The following MAB21L4 variants were observed in gnomAD, a reference collection of about 807,000 sequenced individuals.
MAB21L4 encodes the protein protein mab-21-like 4.
Under a neutral mutation model 32.4 loss-of-function variants are expected in MAB21L4, and 25 were observed. That is an observed-to-expected ratio of 0.77 (90% confidence interval 0.56 to 1.08). The LOEUF (loss-of-function observed/expected upper bound fraction) is 1.08, where lower values mean the gene tolerates loss of function less well. Ranked by LOEUF, MAB21L4 falls within the 50% of genes least tolerant of loss-of-function variation. The pLI, the probability that MAB21L4 is intolerant of heterozygous loss-of-function variation, is 0.00. For missense variants in MAB21L4, 638 were observed against 611.0 expected, an observed-to-expected ratio of 1.04 and a Z score of -0.47; for synonymous variants, 280 against 276.8, an observed-to-expected ratio of 1.01 and a Z score of -0.11.
Position 240,891,673 on chromosome 2 carries a change from A to G in MAB21L4, c.605T>C (p.Val202Ala). Residue 202 changes from valine to alanine, a missense_variant, in exon 2 of 5, where the codon GTG becomes GCG. Physicochemically the swap from Val to Ala is moderately conservative, Grantham distance 64. Coordinates refer to ENST00000388934, the MANE Select transcript of MAB21L4 (RefSeq NM_001085437.3). ...SGWRTISFHVVPVVRRKLGAP... is the reference protein window; with the variant it reads ...SGWRTISFHVAPVVRRKLGAP... ...CCCAAGCTTCCTTCTCACCACGGGC[A>G]CCACGTGGAAGCTGATTGTTCTCCA... is the stretch of plus-strand genomic sequence containing the variant. 2.5e-6 allele frequency: 4 copies of G among 1,607,584 alleles called. No homozygotes were observed. The highest frequency in any genetic ancestry group is 3.4e-6 in the Non-Finnish European group (4 of 1,178,544).
chr2:240,892,515 A>G (rs2106440312), intron 1 of MAB21L4, among the ~76,000 whole-genome samples: 1 of 152,268 alleles, frequency 6.6e-6, no homozygotes, highest in East Asian at 1.9e-4. Context: ...CTCAGTTCCC[A>G]TGGAGAGAAG....
Position 240,886,504 on chromosome 2 carries a change from T to C in MAB21L4, c.*566A>G, listed in dbSNP as rs894582068. 4 of 152,516 alleles carry C rather than the reference T, an allele frequency of 2.6e-5. No homozygotes were observed. Among genetic ancestry groups the C allele is most frequent in the Non-Finnish European group, 5.9e-5 (4 of 68,334 alleles). 9.4% of individuals were successfully genotyped at this position (152,516 alleles called of 1,614,324 possible). ...GGCTGTGTGTGCACCCTCAGTTGGCTTTAGTTTGCTCTAAGAACGAGGTAG... is the reference window on the plus strand; with the variant it reads ...GGCTGTGTGTGCACCCTCAGTTGGCCTTAGTTTGCTCTAAGAACGAGGTAG... On this transcript the variant is annotated 3_prime_UTR_variant, in exon 5 of 5. Transcript: ENST00000388934.
At chr2:240,889,506 T>G (rs955616177) in intron 3 of MAB21L4, among the ~76,000 whole-genome samples, 4 of 152,236 alleles carry the variant, frequency 2.6e-5, no homozygotes, top group African/African-American at 9.6e-5. Flanking sequence ...GGCCCCTGCC[T>G]GTTCCTTGTT....
chr2:240,888,381 T>A lies in MAB21L4; in HGVS notation c.1162A>T (p.Ile388Phe), dbSNP rs11899555. 3 of 1,563,842 alleles carry A rather than the reference T, an allele frequency of 1.9e-6. No individual in the cohort carries two copies. Among genetic ancestry groups the A allele is most frequent in the Non-Finnish European group, 2.6e-6 (3 of 1,157,926 alleles). The change falls in exon 4 of 5, where the codon ATC (isoleucine) becomes TTC (phenylalanine). Residue 388 changes from isoleucine (I) to phenylalanine (F), a missense_variant. Transcript: ENST00000388934. ...AGGAGCGCCTTGAGCCCGGAGCCGA[T>A]GCGCGGCGGGGGGCTGCGGCCCAGG... is the stretch of plus-strand genomic sequence containing the variant. ...THLGRSPPPR[I>F]GSGLKALLQL...
intron 1 of MAB21L4, among the ~76,000 whole-genome samples, chr2:240,892,571 C>T (rs1372975058): frequency 6.6e-6 from 1 of 152,034 alleles, no homozygotes; most frequent in Non-Finnish European, 1.5e-5. Context: ...CGGCCACCGC[C>T]GTTTCTGGGC....
chr2:240,886,928 C>A lies in MAB21L4; in HGVS notation c.*142G>T. 1.6e-6 allele frequency: 1 copy of A among 624,978 alleles called. No homozygotes were observed. The allele number at this position is 624,978 out of a possible 1,614,324, so 38.7% of individuals were successfully genotyped here. ...CCAGGCACTGAAAGACTCTCAGAGG[C>A]CACTGCTGGGGACAAAATCCCTCCA... On this transcript the variant is annotated 3_prime_UTR_variant, in exon 5 of 5. Coordinates refer to ENST00000388934, the MANE Select transcript of MAB21L4 (RefSeq NM_001085437.3).
intron 3 of MAB21L4, 126 bp downstream of exon 3, chr2:240,889,879 C>T: frequency 8.6e-7 from 1 of 1,156,358 alleles, no homozygotes; most frequent in Non-Finnish European, 1.2e-6. Flanking sequence ...CCTCAGAATC[C>T]CCCCAACTCC....
At chr2:240,890,339 G>A (rs977771397) in intron 2 of MAB21L4, among the ~76,000 whole-genome samples, 181 bp from the exon 3 acceptor site, 1 of 152,236 alleles carries the variant, frequency 6.6e-6, no homozygotes, top group Non-Finnish European at 1.5e-5. Flanking sequence ...CAGTGTGCAC[G>A]CCTGCTTTTC....
rs77206129 is a variant in MAB21L4, at chr2:240,893,474, C to T, written c.515-1711G>A. On this transcript the variant is annotated intron_variant, in intron 1 of 4. Transcript: ENST00000388934. The stretch of plus-strand genomic sequence containing the variant: ...TCTAGTGGCCACACACCTCATCTGC[C>T]GTGGGCCACGCACGCTCACTGCCCG... Among the ~76,000 whole-genome samples, 1,066 of 152,330 alleles carry T rather than the reference C, an allele frequency of 7.0e-3. 29 individuals are homozygous for T. The East Asian group carries it at 0.073, about 10-fold the overall frequency.
At chr2:240,894,144 G>A (rs1039457924) in intron 1 of MAB21L4, among the ~76,000 whole-genome samples, 5 of 151,890 alleles carry the variant, frequency 3.3e-5, no homozygotes, top group Non-Finnish European at 5.9e-5. Context: ...CACAGGAGGT[G>A]CCCCTGCCTC....
chr2:240,888,196 T>G, intron 4 of MAB21L4, 96 bp downstream of exon 4: 1 of 1,031,260 alleles, frequency 9.7e-7, no homozygotes. Context: ...CTGGGGCTGC[T>G]GACCTGGGAG....
chr2:240,891,909 C>A (rs2059154335), intron 1 of MAB21L4, 146 bp from the exon 2 acceptor site: 3 of 1,573,902 alleles, frequency 1.9e-6, no homozygotes, highest in Non-Finnish European at 2.6e-6. Flanking sequence ...CTGCAGGCTG[C>A]AGCTCCCCAA....
At position 240,896,090 on chromosome 2, in the gene MAB21L4, G is replaced by A. The variant is rs1165443679; in HGVS notation, c.-93C>T. ...GGGCTGTGAGGAGGCACCTGCCCAG[G>A]TGAGCAGCAGGTCTGCAGGTGGGGC... is the stretch of plus-strand genomic sequence containing the variant. On this transcript the variant is annotated 5_prime_UTR_variant, in exon 1 of 5. Coordinates refer to ENST00000388934, the MANE Select transcript of MAB21L4 (RefSeq NM_001085437.3). The A allele has an allele frequency of 2.2e-6, 3 of 1,376,582 alleles. No individual in the cohort carries two copies. Among genetic ancestry groups the A allele is most frequent in the African/African-American group, 3.1e-5 (2 of 64,952 alleles). 85.3% of individuals were successfully genotyped at this position (1,376,582 alleles called of 1,614,324 possible). A position where few individuals can be genotyped will look rare whatever the true frequency, so the allele number is the denominator to read the frequency against.
intron 3 of MAB21L4, among the ~76,000 whole-genome samples, chr2:240,889,009 C>T (rs1193226970): frequency 8.9e-6 from 1 of 111,862 alleles, no homozygotes; most frequent in South Asian, 2.4e-4. Context: ...TCCTACTCAC[C>T]CCCTGCAGCC....
intron 1 of MAB21L4, 143 bp downstream of exon 1, chr2:240,895,341 G>C: frequency 1.3e-6 from 1 of 758,240 alleles, no homozygotes; most frequent in Non-Finnish European, 2.1e-6. Context: ...TGTGCGTGCA[G>C]TCACACACAG....
intron 4 of MAB21L4, 128 bp downstream of exon 4, chr2:240,888,164 C>T (rs947232830): frequency 8.0e-6 from 6 of 754,588 alleles, no homozygotes; most frequent in African/African-American, 5.6e-5. Context: ...TCCATCCGAG[C>T]CCTGACCTGG....
At chr2:240,892,100 G>T in intron 1 of MAB21L4, 1 of 1,389,074 alleles carries the variant, frequency 7.2e-7, no homozygotes, top group Non-Finnish European at 9.4e-7. Context: ...CACACCCCAG[G>T]ACCACGCCTG....
chr2:240,889,807 C>T (rs1322846086), intron 3 of MAB21L4, among the ~76,000 whole-genome samples, 198 bp downstream of exon 3: 8 of 152,218 alleles, frequency 5.3e-5, no homozygotes, highest in Non-Finnish European at 1.2e-4. Context: ...CCACGGCACC[C>T]GCGGCCACAT....
In MAB21L4 at chr2:240,888,439, C is replaced by T; in HGVS notation, c.1104G>A (p.Gln368=). The part of the protein sequence containing the change: ...IYQRVEGFAS[Q]PEAALRIHAT... ...CGTGGATGCGCAGGGCCGCCTCGGGCTGGCTGGCGAAGCCCTCCACGCGCT... is the reference window on the plus strand; with the variant it reads ...CGTGGATGCGCAGGGCCGCCTCGGGTTGGCTGGCGAAGCCCTCCACGCGCT... The change falls in exon 4 of 5, where the codon CAG becomes CAA. Residue 368 remains glutamine, a synonymous_variant. Transcript: ENST00000388934. 6.4e-7 allele frequency: 1 copy of T among 1,567,198 alleles called. No individual in the cohort carries two copies. The highest frequency in any genetic ancestry group is 1.4e-5 in the African/African-American group (1 of 73,286).
Sources: gnomAD v4.1 joint callset for allele counts (sites outside exome capture counted in the v4.1 genomes callset) on GRCh38, gnomAD v4.1.1 for gene constraint, MANE v1.5 for transcripts, NCBI Gene and HGNC (gene_info 2026-07-23, HGNC 2026-07-21) for gene names.